Variants in FARS2 observed in about 807,000 individuals in gnomAD.
The protein encoded by FARS2 is phenylalanyl-tRNA synthetase 2, mitochondrial.
In FARS2, 40 loss-of-function variants were observed where a neutral mutation model predicts 46.4. The ratio of observed to expected loss-of-function variants is 0.86; its 90% CI spans 0.67 to 1.12. The LOEUF (loss-of-function observed/expected upper bound fraction) is 1.12, where lower values mean the gene tolerates loss of function less well. Among genes scored for constraint, FARS2 ranks in the 50% most tolerant of loss-of-function variants. The probability of loss-of-function intolerance (pLI) is 0.00; values close to 1 mark genes in which losing one functional copy is unlikely to be tolerated. For synonymous variants in FARS2, 234 were observed against 214.9 expected (o/e 1.09, Z -0.78); for missense variants, 513 against 567.9 (o/e 0.90, Z 0.98).
chr6:5,428,535 T>C (rs1762975269), intron 3 of FARS2, among the ~76,000 whole-genome samples: 1 of 152,232 alleles, frequency 6.6e-6, no homozygotes, highest in Non-Finnish European at 1.5e-5. Context: ...CATAAAATGT[T>C]TTCCGCTTAC....
chr6:5,552,485 T>C (rs1771426201), intron 5 of FARS2, among the ~76,000 whole-genome samples: 1 of 152,106 alleles, frequency 6.6e-6, no homozygotes, highest in African/African-American at 2.4e-5. Context: ...CTGTGGTGTC[T>C]TTCTCTGTGC....
intron 1 of FARS2, among the ~76,000 whole-genome samples, chr6:5,283,084 A>G (rs566373902): frequency 1.3e-5 from 2 of 152,140 alleles, no homozygotes; most frequent in East Asian, 3.9e-4. Context: ...TAAAAATTCA[A>G]AAAAAATGCA....
At chr6:5,621,562 G>T (rs1311831840) in intron 6 of FARS2, among the ~76,000 whole-genome samples, 1 of 152,206 alleles carries the variant, frequency 6.6e-6, no homozygotes, top group Non-Finnish European at 1.5e-5. Context: ...ATCATCCAGG[G>T]CTGCAGATTC....
intron 6 of FARS2, among the ~76,000 whole-genome samples, chr6:5,731,595 T>C (rs1760628408): frequency 6.6e-6 from 1 of 152,200 alleles, no homozygotes; most frequent in South Asian, 2.1e-4. Flanking sequence ...TGATCTCCTG[T>C]GTACTCCTCT....
At chr6:5,685,160 G>T (rs942038355) in intron 6 of FARS2, among the ~76,000 whole-genome samples, 1 of 152,110 alleles carries the variant, frequency 6.6e-6, no homozygotes, top group Non-Finnish European at 1.5e-5. Context: ...AAAGGGGAGG[G>T]TTCCTATCAT....
intron 4 of FARS2, among the ~76,000 whole-genome samples, chr6:5,521,492 C>T (rs1056729597): frequency 1.2e-4 from 19 of 152,056 alleles, no homozygotes; most frequent in Non-Finnish European, 2.2e-4. Flanking sequence ...TTGATGCGTA[C>T]ATAGATAGCA....
chr6:5,674,905 G>T (rs943097212), intron 6 of FARS2, among the ~76,000 whole-genome samples: 2 of 152,164 alleles, frequency 1.3e-5, no homozygotes, highest in Non-Finnish European at 1.5e-5. Context: ...CATTGAGACC[G>T]AACAGGCAAA....
At chr6:5,415,666 T>C (rs1338364645) in intron 3 of FARS2, among the ~76,000 whole-genome samples, 1 of 152,174 alleles carries the variant, frequency 6.6e-6, no homozygotes, top group African/African-American at 2.4e-5. Context: ...ATGTACTTAT[T>C]TGCATTCATA....
chr6:5,732,281 G>A (rs1187107906), intron 6 of FARS2, among the ~76,000 whole-genome samples: 2 of 152,216 alleles, frequency 1.3e-5, no homozygotes, highest in South Asian at 2.1e-4. Flanking sequence ...GGTACGTGTC[G>A]GTGATATGGC....
chr6:5,636,691 C>T (rs964914079), intron 6 of FARS2, among the ~76,000 whole-genome samples: 2 of 152,176 alleles, frequency 1.3e-5, no homozygotes, highest in African/African-American at 2.4e-5. Flanking sequence ...GCCTCGCCTT[C>T]GTCTGCTGGC....
At chr6:5,695,228 A>G (rs868080705) in intron 6 of FARS2, 42 of 152,376 alleles carry the variant, frequency 2.8e-4, no homozygotes, top group African/African-American at 9.6e-4. Flanking sequence ...TGATCGAAAC[A>G]TCTCTTAGAT....
intron 2 of FARS2, among the ~76,000 whole-genome samples, chr6:5,373,226 A>G (rs1759167820): frequency 6.6e-6 from 1 of 152,146 alleles, no homozygotes; most frequent in African/African-American, 2.4e-5. Context: ...ACTTTGGCTC[A>G]AAGTACCAGT....
chr6:5,655,467 AATCAGTTTC>A (rs566766775), intron 6 of FARS2, among the ~76,000 whole-genome samples: 55 of 152,318 alleles, frequency 3.6e-4, no homozygotes, highest in Non-Finnish European at 6.3e-4. Flanking sequence ...AGATGCCTGA[AATCAGTTTC>A]ACTGGGCTGA....
chr6:5,511,346 C>T lies in FARS2; in HGVS notation c.905-33834C>T, dbSNP rs145899194. On this transcript the variant is annotated intron_variant, in intron 4 of 6. Coordinates refer to ENST00000274680, the MANE Select transcript of FARS2 (RefSeq NM_006567.5). ...ACTTCCTCAATAAGCATAAATCATG[C>T]AGTTACATAAAATCATATTGATTTC... Among the ~76,000 whole-genome samples, 1,085 of 152,256 alleles carry T rather than the reference C, an allele frequency of 7.1e-3. 12 individuals carry two copies. The highest frequency in any genetic ancestry group is 0.025 in the African/African-American group (1,020 of 41,518).
intron 5 of FARS2, among the ~76,000 whole-genome samples, chr6:5,602,536 A>T (rs1445820197): frequency 6.7e-6 from 1 of 148,892 alleles, no homozygotes; most frequent in Non-Finnish European, 1.5e-5. Context: ...AGTCCCAGCT[A>T]CTTGGGAGGC....
At chr6:5,310,097 TGGTTTTCAAATCACTAGGGAAAGTA>T (rs1160287883) in intron 1 of FARS2, among the ~76,000 whole-genome samples, 1 of 152,174 alleles carries the variant, frequency 6.6e-6, no homozygotes, top group Non-Finnish European at 1.5e-5. Context: ...ATGATAATGA[TGGTTTTCAAATCACTAGGGAAAGTA>T]GGTTTTCAAA....
chr6:5,305,828 A>G (rs1169624638), intron 1 of FARS2, among the ~76,000 whole-genome samples: 1 of 152,106 alleles, frequency 6.6e-6, no homozygotes, highest in Admixed American at 6.6e-5. Context: ...ATGTAACTGG[A>G]TTAGGAATGA....
intron 3 of FARS2, among the ~76,000 whole-genome samples, chr6:5,422,397 A>G (rs1042348296): frequency 6.6e-6 from 1 of 151,558 alleles, no homozygotes; most frequent in Non-Finnish European, 1.5e-5. Flanking sequence ...TTAAATCATA[A>G]ATGTCACTGT....
chr6:5,392,930 ATGTG>A (rs4053245), intron 2 of FARS2, among the ~76,000 whole-genome samples: 10 of 136,580 alleles, frequency 7.3e-5, no homozygotes, highest in African/African-American at 8.0e-5. Context: ...ATATACATAT[ATGTG>A]TGTGTGTATA....
Sources: gnomAD v4.1 joint callset for allele counts (sites outside exome capture counted in the v4.1 genomes callset) on GRCh38, gnomAD v4.1.1 for gene constraint, MANE v1.5 for transcripts, NCBI Gene and HGNC (gene_info 2026-07-23, HGNC 2026-07-21) for gene names.